Variants in SCP2 observed in about 807,000 individuals in gnomAD.
The protein encoded by SCP2 is SCP-2/3-oxoacyl-CoA thiolase.
Under a neutral mutation model 71.4 loss-of-function variants are expected in SCP2, and 48 were observed. That is an observed-to-expected ratio of 0.67 (90% CI 0.53 to 0.86). The LOEUF is 0.86. Among genes scored for constraint, SCP2 ranks in the 40% least tolerant of loss-of-function variants. The pLI, the probability that SCP2 is intolerant of heterozygous loss-of-function variation, is 0.00. For missense variants in SCP2, 560 were observed against 655.6 expected, an observed-to-expected ratio of 0.85 and a Z score of 1.59; for synonymous variants, 220 against 218.1, an observed-to-expected ratio of 1.01 and a Z score of -0.08.
At chr1:52,968,526 C>T (rs1657177547) in intron 6 of SCP2, among the ~76,000 whole-genome samples, 1 of 152,010 alleles carries the variant, frequency 6.6e-6, no homozygotes, top group Admixed American at 6.5e-5. Flanking sequence ...ATATAATTTA[C>T]TCTTTTAAAG....
intron 10 of SCP2, among the ~76,000 whole-genome samples, chr1:52,985,789 A>G (rs114361514): frequency 4.8e-4 from 73 of 152,104 alleles, no homozygotes; most frequent in African/African-American, 1.7e-3. Context: ...TGTTCCAAAC[A>G]TACATGATTT....
intron 2 of SCP2, among the ~76,000 whole-genome samples, chr1:52,946,617 T>A (rs1025356937): frequency 1.3e-5 from 2 of 152,140 alleles, no homozygotes; most frequent in Non-Finnish European, 2.9e-5. Flanking sequence ...ACATTTGTTT[T>A]TTGTCCATAC....
At chr1:52,927,779 C>A (rs1328382835) in intron 1 of SCP2, among the ~76,000 whole-genome samples, 3 of 152,134 alleles carry the variant, frequency 2.0e-5, no homozygotes, top group Admixed American at 6.5e-5. Flanking sequence ...CGGAGGGAGG[C>A]AGGTCGCGAA....
At chr1:52,927,560 C>A in intron 1 of SCP2, 95 bp downstream of exon 1, 1 of 929,730 alleles carries the variant, frequency 1.1e-6, no homozygotes, top group South Asian at 1.4e-5. Flanking sequence ...TTCGACTGCT[C>A]CGCGCGTGGG....
chr1:53,039,076 G>A lies in SCP2; in HGVS notation c.1468+30G>A, dbSNP rs779047263. 1.9e-6 allele frequency: 3 copies of A among 1,613,580 alleles called. No homozygotes were observed. In the African/African-American group the frequency reaches 4.0e-5, roughly 22 times the overall value. The stretch of plus-strand genomic sequence containing the variant: ...GTTTGGGAATGACTTCATTCTAGGA[G>A]CACTGACGAGTTTACGAAGGCTGTC... On this transcript the variant is annotated intron_variant, in intron 14 of 15. Coordinates refer to ENST00000371514, the MANE Select transcript of SCP2 (RefSeq NM_002979.5).
chr1:53,030,994 T>C (rs975618722), intron 13 of SCP2, among the ~76,000 whole-genome samples: 5 of 152,026 alleles, frequency 3.3e-5, no homozygotes, highest in African/African-American at 1.2e-4. Context: ...TTACAAGTGT[T>C]CCTATAAAAT....
At position 53,050,783 on chromosome 1, in the gene SCP2, G is replaced by T; in HGVS notation, c.*79G>T. On this transcript the variant is annotated 3_prime_UTR_variant, in exon 16 of 16. Coordinates refer to ENST00000371514, the MANE Select transcript of SCP2 (RefSeq NM_002979.5). Reference sequence around the variant, plus strand: ...CCATACATTTTATTGTCAGAATTTAGACTGAAACTACACATTGGCAAATAG... The same window carrying T: ...CCATACATTTTATTGTCAGAATTTATACTGAAACTACACATTGGCAAATAG... 1 of 1,008,198 alleles carries T rather than the reference G, an allele frequency of 9.9e-7. No individual in the cohort carries two copies. The highest frequency in any genetic ancestry group is 1.3e-5 in the South Asian group (1 of 77,976). 62.5% of individuals were successfully genotyped at this position (1,008,198 alleles called of 1,614,324 possible). A position where few individuals can be genotyped will look rare whatever the true frequency, so the allele number is the denominator to read the frequency against.
At chr1:52,990,733 C>CAAAAAAAA (rs61221989) in intron 11 of SCP2, among the ~76,000 whole-genome samples, 2 of 62,408 alleles carry the variant, frequency 3.2e-5, no homozygotes, top group African/African-American at 5.0e-5. Context: ...GACTCCGTCT[C>CAAAAAAAA]AAAAAAAAAA....
At chr1:52,980,894 GTATCTC>G (rs1658424247) in intron 10 of SCP2, among the ~76,000 whole-genome samples, 2 of 152,108 alleles carry the variant, frequency 1.3e-5, no homozygotes, top group African/African-American at 4.8e-5. Flanking sequence ...TATTTAAAGT[GTATCTC>G]TTATAGGCAG....
intron 10 of SCP2, among the ~76,000 whole-genome samples, chr1:52,987,010 T>A (rs201702396): frequency 0.22 from 15,678 of 72,438 alleles, 992 homozygotes; most frequent in East Asian, 0.49. Context: ...ATATATATTT[T>A]TTTTTTTTTT....
intron 14 of SCP2, among the ~76,000 whole-genome samples, chr1:53,042,490 A>T (rs1663508798): frequency 6.6e-6 from 1 of 152,184 alleles, no homozygotes; most frequent in African/African-American, 2.4e-5. Flanking sequence ...TTCTTCCCAC[A>T]TTAGGTGCTG....
chr1:52,985,245 T>C (rs980013655), intron 10 of SCP2, among the ~76,000 whole-genome samples: 2 of 152,206 alleles, frequency 1.3e-5, no homozygotes, highest in African/African-American at 4.8e-5. Flanking sequence ...TTTGGATGTC[T>C]CATAAGCATC....
chr1:52,994,374 A>G (rs997549247), intron 11 of SCP2: 7 of 779,080 alleles, frequency 9.0e-6, no homozygotes, highest in Non-Finnish European at 9.4e-6. Context: ...TTGTTGACAT[A>G]CAACTTTTTT....
At chr1:53,034,148 G>A (rs944701507) in intron 13 of SCP2, among the ~76,000 whole-genome samples, 9 of 151,762 alleles carry the variant, frequency 5.9e-5, no homozygotes, top group Admixed American at 2.0e-4. Flanking sequence ...GTGGTGGTGC[G>A]CGCCTGTAGT....
intron 11 of SCP2, among the ~76,000 whole-genome samples, chr1:52,989,053 CG>C (rs201845223): frequency 0.016 from 2,369 of 152,278 alleles, 69 homozygotes; most frequent in African/African-American, 0.054. Flanking sequence ...TTGTATATAA[CG>C]TAAGATTTTT....
intron 1 of SCP2, among the ~76,000 whole-genome samples, chr1:52,940,915 A>G (rs1246492133): frequency 1.3e-5 from 2 of 152,012 alleles, no homozygotes; most frequent in African/African-American, 2.4e-5. Context: ...ATGCCTGGCT[A>G]ATTTTTGTAT....
intron 14 of SCP2, among the ~76,000 whole-genome samples, chr1:53,043,730 A>G (rs971659537): frequency 1.3e-5 from 2 of 152,198 alleles, no homozygotes; most frequent in African/African-American, 4.8e-5. Context: ...TACTTCCTGA[A>G]GCCCCCTTTC....
chr1:53,028,927 C>G (rs60492542), intron 13 of SCP2, among the ~76,000 whole-genome samples: 2 of 151,870 alleles, frequency 1.3e-5, no homozygotes, highest in African/African-American at 2.4e-5. Context: ...AGGCACCCAC[C>G]ACCACGCCAG....
chr1:52,974,019 C>T (rs1657726409), intron 6 of SCP2, among the ~76,000 whole-genome samples: 1 of 152,144 alleles, frequency 6.6e-6, no homozygotes, highest in African/African-American at 2.4e-5. Context: ...TGAAGATCAT[C>T]CTCCTTGATA....
Sources: allele counts gnomAD v4.1 joint callset (sites outside exome capture counted in the v4.1 genomes callset), GRCh38; gene constraint gnomAD v4.1.1; transcripts MANE v1.5; gene names NCBI Gene and HGNC (gene_info 2026-07-23, HGNC 2026-07-21).